Variants in EPHA6 observed in about 807,000 individuals in gnomAD.
EPHA6 encodes ephrin type-A receptor 6.
A neutral mutation model predicts 112.0 loss-of-function variants in EPHA6; 50 were observed. That is an observed-to-expected ratio of 0.45 (90% CI 0.36 to 0.56). EPHA6 has a LOEUF of 0.56. Ranked by LOEUF, EPHA6 falls within the 20% of genes least tolerant of loss-of-function variation. The probability of loss-of-function intolerance (pLI) is 0.00; values close to 1 mark genes in which losing one functional copy is unlikely to be tolerated. For missense variants in EPHA6, 1,280 were observed against 1,417.4 expected (o/e 0.90, Z 1.56); for synonymous variants, 529 against 490.7 (o/e 1.08, Z -1.03).
chr3:96,944,685 A>G (rs1411618418), intron 2 of EPHA6, among the ~76,000 whole-genome samples: 3 of 152,176 alleles, frequency 2.0e-5, no homozygotes, highest in Admixed American at 6.5e-5. Context: ...GATATTACCT[A>G]TCTTTCTAGG....
chr3:96,983,968 A>C (rs773072584), intron 2 of EPHA6, among the ~76,000 whole-genome samples: 21 of 152,096 alleles, frequency 1.4e-4, no homozygotes, highest in Admixed American at 1.2e-3. Context: ...TCTGTTTTCA[A>C]GGTTTTTAGC....
chr3:97,506,122 A>G (rs1296572994), intron 10 of EPHA6, among the ~76,000 whole-genome samples: 1 of 152,112 alleles, frequency 6.6e-6, no homozygotes, highest in African/African-American at 2.4e-5. Context: ...ATTTTCTCCC[A>G]TTCCATAGGT....
intron 14 of EPHA6, among the ~76,000 whole-genome samples, chr3:97,669,414 T>G (rs1160007304): frequency 6.6e-6 from 1 of 151,986 alleles, no homozygotes; most frequent in East Asian, 1.9e-4. Flanking sequence ...AGAATCATAT[T>G]TTCTCCAAGA....
intron 10 of EPHA6, among the ~76,000 whole-genome samples, chr3:97,486,570 A>G (rs1444405162): frequency 6.6e-6 from 1 of 152,140 alleles, no homozygotes; most frequent in Non-Finnish European, 1.5e-5. Flanking sequence ...AAGGCATCAC[A>G]TGGGTGAGGG....
chr3:96,826,595 T>C (rs540478949), intron 1 of EPHA6, among the ~76,000 whole-genome samples: 1 of 152,236 alleles, frequency 6.6e-6, no homozygotes, highest in African/African-American at 2.4e-5. Context: ...GGATATTTTA[T>C]GTGCATTGGC....
chr3:97,043,565 G>A (rs923701013), intron 3 of EPHA6, among the ~76,000 whole-genome samples: 92 of 152,126 alleles, frequency 6.0e-4, no homozygotes, highest in African/African-American at 2.2e-3. Context: ...CAGTGTTGTG[G>A]ACCTTTTCAA....
At chr3:96,945,539 T>A (rs76019300) in intron 2 of EPHA6, among the ~76,000 whole-genome samples, 4,266 of 152,280 alleles carry the variant, frequency 0.028, 199 homozygotes, top group African/African-American at 0.095. Context: ...CTGTGTTACT[T>A]TGGTCAGGTC....
At chr3:96,862,364 G>A (rs1028112988) in intron 1 of EPHA6, among the ~76,000 whole-genome samples, 5 of 151,724 alleles carry the variant, frequency 3.3e-5, no homozygotes, top group Non-Finnish European at 7.4e-5. Context: ...ACCTTAAGCT[G>A]GGCCTTAAAG....
chr3:96,997,838 A>G (rs1156986678), intron 3 of EPHA6, among the ~76,000 whole-genome samples: 1 of 152,024 alleles, frequency 6.6e-6, no homozygotes, highest in Non-Finnish European at 1.5e-5. Context: ...GAAAAATGGC[A>G]CCAATAGCCT....
At chr3:97,625,585 C>T (rs1192402839) in intron 13 of EPHA6, among the ~76,000 whole-genome samples, 3 of 151,544 alleles carry the variant, frequency 2.0e-5, no homozygotes, top group African/African-American at 7.3e-5. Context: ...CTTATCTTCT[C>T]TCTGGTTGTT....
intron 2 of EPHA6, among the ~76,000 whole-genome samples, chr3:96,889,604 G>T (rs1559803848): frequency 1.3e-5 from 2 of 152,100 alleles, no homozygotes; most frequent in East Asian, 3.9e-4. Flanking sequence ...CTCCCACCAG[G>T]TTCCTCCCAC....
chr3:97,363,210 A>C (rs1183728652), intron 5 of EPHA6, among the ~76,000 whole-genome samples: 4 of 87,616 alleles, frequency 4.6e-5, no homozygotes, highest in African/African-American at 3.2e-4. Context: ...ATATATATAT[A>C]TATATATATA....
intron 2 of EPHA6, among the ~76,000 whole-genome samples, chr3:96,956,352 A>G (rs914112180): frequency 2.0e-5 from 3 of 152,350 alleles, no homozygotes; most frequent in Admixed American, 6.5e-5. Context: ...CCAGATAGCT[A>G]TGATCCATTG....
At chr3:96,924,192 G>T (rs1430401193) in intron 2 of EPHA6, among the ~76,000 whole-genome samples, 1 of 152,174 alleles carries the variant, frequency 6.6e-6, no homozygotes, top group Non-Finnish European at 1.5e-5. Context: ...AAGAATGTCA[G>T]TGGTAGTCTA....
At chr3:97,566,191 G>A (rs1294068865) in intron 11 of EPHA6, among the ~76,000 whole-genome samples, 2 of 152,052 alleles carry the variant, frequency 1.3e-5, no homozygotes, top group African/African-American at 4.8e-5. Context: ...TGGGGGAGGT[G>A]CCACAATTTT....
At chr3:96,954,945 C>T (rs2041701585) in intron 2 of EPHA6, among the ~76,000 whole-genome samples, 2 of 151,830 alleles carry the variant, frequency 1.3e-5, no homozygotes, top group Non-Finnish European at 2.9e-5. Flanking sequence ...GTGCCTTCTA[C>T]ATCTAGAATG....
intron 2 of EPHA6, among the ~76,000 whole-genome samples, chr3:96,958,533 A>G (rs74670120): frequency 0.023 from 3,504 of 152,256 alleles, 141 homozygotes; most frequent in African/African-American, 0.08. Context: ...ATAATAGTCA[A>G]TGATTTTCAT....
At chr3:97,317,505 T>C (rs2081901944) in intron 5 of EPHA6, among the ~76,000 whole-genome samples, 1 of 152,048 alleles carries the variant, frequency 6.6e-6, no homozygotes, top group South Asian at 2.1e-4. Context: ...CTGGAAGTTA[T>C]AGTTTTATGA....
At chr3:97,280,893 G>C (rs750064428) in intron 5 of EPHA6, among the ~76,000 whole-genome samples, 29 of 152,114 alleles carry the variant, frequency 1.9e-4, no homozygotes, top group Admixed American at 4.6e-4. Flanking sequence ...ATTTGACTCT[G>C]TATCCCCATC....
Sources: gnomAD v4.1 joint callset for allele counts (sites outside exome capture counted in the v4.1 genomes callset) on GRCh38, gnomAD v4.1.1 for gene constraint, MANE v1.5 for transcripts, NCBI Gene and HGNC (gene_info 2026-07-23, HGNC 2026-07-21) for gene names.